The following ANXA9 variants were observed in gnomAD, a reference collection of about 807,000 sequenced individuals.
The protein encoded by ANXA9 is annexin A9.
In ANXA9, 47 loss-of-function variants were observed where a neutral mutation model predicts 51.8. The observed-to-expected ratio is 0.91, with a 90% CI of 0.72 to 1.16. The LOEUF is 1.16. Among genes scored for constraint, ANXA9 ranks in the 50% most tolerant of loss-of-function variants. ANXA9 has a pLI of 0.00. For missense variants in ANXA9, 361 were observed against 424.7 expected (o/e 0.85, Z 1.32); for synonymous variants, 154 against 168.7 (o/e 0.91, Z 0.68).
upstream of ANXA9, among the ~76,000 whole-genome samples, chr1:150,980,126 G>T: frequency 6.6e-6 from 1 of 152,172 alleles, no homozygotes; most frequent in East Asian, 1.9e-4. Flanking sequence ...ATTACAGGCG[G>T]TGGCTCACGC....
chr1:150,977,580 A>C (rs1475425453), upstream of ANXA9, among the ~76,000 whole-genome samples: 1 of 152,230 alleles, frequency 6.6e-6, no homozygotes, highest in Non-Finnish European at 1.5e-5. Flanking sequence ...CCAGGCCTTC[A>C]GCCCCGAGTT....
upstream of ANXA9, among the ~76,000 whole-genome samples, chr1:150,977,711 C>G (rs1671361433): frequency 6.6e-6 from 1 of 152,188 alleles, no homozygotes; most frequent in African/African-American, 2.4e-5. Context: ...AGAAGCAGAG[C>G]CTAGCTAGTA....
At chr1:150,984,514 C>A in intron 6 of ANXA9, 72 bp from the exon 7 acceptor site, 1 of 1,508,222 alleles carries the variant, frequency 6.6e-7, no homozygotes, top group Non-Finnish European at 9.2e-7. Flanking sequence ...GGAGAAGCAG[C>A]CAGCGTCTGC....
chr1:150,977,330 G>A (rs1264009324), upstream of ANXA9, among the ~76,000 whole-genome samples: 1 of 152,174 alleles, frequency 6.6e-6, no homozygotes. Flanking sequence ...ATGGAGAAGG[G>A]GAAACTGGGC....
chr1:150,987,734 A>C, intron 9 of ANXA9, 138 bp from the exon 10 acceptor site: 1 of 732,106 alleles, frequency 1.4e-6, no homozygotes. Flanking sequence ...TCTCAAAAAA[A>C]AAAAAAAAAA....
intron 7 of ANXA9, among the ~76,000 whole-genome samples, chr1:150,985,197 CA>C (rs1671523282): frequency 6.9e-6 from 1 of 144,406 alleles, no homozygotes; most frequent in Non-Finnish European, 1.6e-5. Context: ...CTCTCACACA[CA>C]CACACACACA....
intron 13 of ANXA9, among the ~76,000 whole-genome samples, 195 bp from the exon 14 acceptor site, chr1:150,995,065 C>T (rs1368453650): frequency 1.3e-5 from 2 of 152,254 alleles, no homozygotes; most frequent in East Asian, 3.8e-4. Context: ...GCACTCCCAC[C>T]TGGGTGACAG....
At chr1:150,978,207 G>A (rs764558169), upstream of ANXA9, among the ~76,000 whole-genome samples, 40 of 152,068 alleles carry the variant, frequency 2.6e-4, no homozygotes, top group Non-Finnish European at 5.6e-4. Flanking sequence ...GAGGTGGGCG[G>A]ATAACCTGAG....
chr1:150,980,319 C>T (rs1433386678), upstream of ANXA9, among the ~76,000 whole-genome samples: 1 of 151,710 alleles, frequency 6.6e-6, no homozygotes, highest in Non-Finnish European at 1.5e-5. Context: ...TCGCTTGAAC[C>T]CGGGAGGTGG....
At chr1:150,992,541 T>C (rs760145016) in intron 12 of ANXA9, among the ~76,000 whole-genome samples, 1 of 150,466 alleles carries the variant, frequency 6.6e-6, no homozygotes, top group Non-Finnish European at 1.5e-5. Flanking sequence ...AGAGTGAGAC[T>C]CCATCTAAAC....
rs748784443 is a variant in ANXA9 at position 150,994,555 on chromosome 1, C to G, written c.853-22C>G. The G allele has an allele frequency of 2.5e-6, 4 of 1,613,228 alleles. No homozygotes were observed. The South Asian group carries it at 3.3e-5, about 13-fold the overall frequency. ...AGTGAGACTCTCACTAACTACCCCC[C>G]ATCTCTTTCTTCCCCTACTAGGAAA... On this transcript the variant is annotated intron_variant, in intron 12 of 13. Transcript: ENST00000368947.
chr1:150,985,190 TCACACACACACACACA>T (rs768559320), intron 7 of ANXA9, among the ~76,000 whole-genome samples: 1 of 146,946 alleles, frequency 6.8e-6, no homozygotes, highest in Non-Finnish European at 1.5e-5. Context: ...TCTCTCTCTC[TCACACACACACACACA>T]CACACACACA....
At chr1:150,994,767 G>C in intron 13 of ANXA9, 68 bp downstream of exon 13, 1 of 1,590,418 alleles carries the variant, frequency 6.3e-7, no homozygotes, top group Non-Finnish European at 8.6e-7. Flanking sequence ...CTCACTCCCT[G>C]CACACAGCTG....
intron 7 of ANXA9, 83 bp from the exon 8 acceptor site, chr1:150,986,253 C>T (rs776359168): frequency 8.9e-6 from 11 of 1,231,424 alleles, no homozygotes; most frequent in South Asian, 1.2e-5. Flanking sequence ...CAGGGTATAG[C>T]GGGTCAGGCA....
At chr1:150,984,216 T>C in intron 5 of ANXA9, 65 bp from the exon 6 acceptor site, 1 of 1,554,432 alleles carries the variant, frequency 6.4e-7, no homozygotes, top group South Asian at 1.1e-5. Flanking sequence ...TTCCCAAACC[T>C]CCCCACACTT....
chr1:150,994,613 C>G lies in ANXA9; in HGVS notation c.889C>G (p.Leu297Val). The part of the protein sequence containing the change: ...EPNYQVLIRI[L>V]ISRCETDLLS... Reference sequence around the variant, plus strand: ...CAATTACCAAGTCCTGATTCGCATCCTTATCTCTCGATGTGAGACTGACCT... The same window carrying G: ...CAATTACCAAGTCCTGATTCGCATCGTTATCTCTCGATGTGAGACTGACCT... The change falls in exon 13 of 14, where the codon CTT becomes GTT. Residue 297 changes from leucine (L) to valine (V), a missense_variant. Physicochemically the swap from Leu to Val is conservative, Grantham distance 32 (BLOSUM62 1). Transcript: ENST00000368947. 6.2e-7 allele frequency: 1 copy of G among 1,614,066 alleles called. No individual in the cohort carries two copies. The highest frequency in any genetic ancestry group is 8.5e-7 in the Non-Finnish European group (1 of 1,179,960).
rs182619039 is a variant in ANXA9 at position 150,984,038 on chromosome 1, T to C, written c.236T>C (p.Ile79Thr). The change falls in exon 5 of 14, where the codon ATC becomes ACC. Residue 79 changes from isoleucine (I) to threonine (T), a missense_variant. By Grantham distance (89) the Ile-to-Thr change is moderately conservative. Coordinates refer to ENST00000368947, the MANE Select transcript of ANXA9 (RefSeq NM_003568.3). ...CGGAGCAGAGAGCAAAGGCAGCTCA[T>C]CTCACGAAACTTCCAGGAGCGCACC... ...TNRSREQRQLISRNFQERTQQ... is the reference protein window; with the variant it reads ...TNRSREQRQLTSRNFQERTQQ... 2.4e-5 allele frequency: 39 copies of C among 1,611,760 alleles called. No homozygotes were observed. In the Admixed American group the frequency reaches 3.7e-4, roughly 15 times the overall value.
chr1:150,994,761 C>T (rs587684801), intron 13 of ANXA9, 62 bp downstream of exon 13: 1 of 1,598,620 alleles, frequency 6.3e-7, no homozygotes, highest in African/African-American at 1.3e-5. Flanking sequence ...TCCACCCTCA[C>T]TCCCTGCACA....
upstream of ANXA9, among the ~76,000 whole-genome samples, chr1:150,977,907 G>A (rs910215428): frequency 1.8e-4 from 28 of 152,208 alleles, 1 homozygote; most frequent in South Asian, 2.1e-4. Context: ...AGGCCGAGGT[G>A]GGTGGATCAC....
Sources: allele counts gnomAD v4.1 joint callset (sites outside exome capture counted in the v4.1 genomes callset), GRCh38; gene constraint gnomAD v4.1.1; transcripts MANE v1.5; gene names NCBI Gene and HGNC (gene_info 2026-07-23, HGNC 2026-07-21).